Variants in GRIP1 observed in about 807,000 individuals in gnomAD.
GRIP1 encodes the protein glutamate receptor interacting protein 1.
In GRIP1, 45 loss-of-function variants were observed where a neutral mutation model predicts 129.9. The ratio of observed to expected loss-of-function variants is 0.35; its 90% CI spans 0.27 to 0.44. GRIP1 has a LOEUF of 0.44. Among genes scored for constraint, GRIP1 ranks in the 20% least tolerant of loss-of-function variants. The pLI, the probability that GRIP1 is intolerant of heterozygous loss-of-function variation, is 1.00. For synonymous variants in GRIP1, 530 were observed against 520.8 expected, an observed-to-expected ratio of 1.02 and a Z score of -0.24; for missense variants, 1,196 against 1,396.8, an observed-to-expected ratio of 0.86 and a Z score of 2.29.
chr12:66,596,760 A>T (rs2064067578), intron 2 of GRIP1, 87 bp downstream of exon 2: 10 of 762,386 alleles, frequency 1.3e-5, no homozygotes, highest in Admixed American at 5.6e-5. Context: ...TATTATTATT[A>T]TTTTTACCAA....
Position 66,931,250 on chromosome 12 carries a change from G to A in GRIP1, c.58+137800C>T, listed in dbSNP as rs545536341. On this transcript the variant is annotated intron_variant, in intron 1 of 1. Coordinates refer to the GRIP1 transcript ENST00000643019. Reference sequence around the variant, plus strand: ...GAGAGCATGATGCTGACCAGCCCGTGTCACAGGGATGCCCTGAGGCAGAGG... The same window carrying A: ...GAGAGCATGATGCTGACCAGCCCGTATCACAGGGATGCCCTGAGGCAGAGG... Among the ~76,000 whole-genome samples the A allele has an allele frequency of 5.9e-5, 9 of 152,364 alleles. No individual in the cohort carries two copies. In the South Asian group the frequency reaches 1.4e-3, roughly 25 times the overall value.
At chr12:67,013,204 T>C (rs1448301243) in intron 1 of GRIP1, among the ~76,000 whole-genome samples, 2 of 152,148 alleles carry the variant, frequency 1.3e-5, no homozygotes, top group Non-Finnish European at 2.9e-5. Flanking sequence ...GCCATTTCCA[T>C]ACAGAAATAC....
intron 1 of GRIP1, among the ~76,000 whole-genome samples, chr12:66,931,384 G>A (rs2041393176): frequency 6.6e-6 from 1 of 152,162 alleles, no homozygotes. Flanking sequence ...GGAATTATCA[G>A]AAGAAGAATA....
intron 1 of GRIP1, among the ~76,000 whole-genome samples, chr12:66,643,152 G>A (rs1018174381): frequency 6.6e-6 from 1 of 152,192 alleles, no homozygotes; most frequent in African/African-American, 2.4e-5. Context: ...CTCTACTTTG[G>A]TAGGAGTGTT....
chr12:66,851,386 A>T (rs937223512), intron 1 of GRIP1, among the ~76,000 whole-genome samples: 2 of 152,142 alleles, frequency 1.3e-5, no homozygotes, highest in South Asian at 2.1e-4. Flanking sequence ...TGGCTAGAAC[A>T]GCTGTCTATC....
chr12:66,822,361 C>T (rs2039335956), intron 1 of GRIP1, among the ~76,000 whole-genome samples: 1 of 152,130 alleles, frequency 6.6e-6, no homozygotes, highest in Non-Finnish European at 1.5e-5. Flanking sequence ...TACATGCTGG[C>T]AAGGCTGCAG....
chr12:66,547,951 C>A (rs891688922), intron 2 of GRIP1, among the ~76,000 whole-genome samples: 2 of 152,122 alleles, frequency 1.3e-5, no homozygotes, highest in Non-Finnish European at 2.9e-5. Flanking sequence ...TTATTTTCTA[C>A]AACTGCATAT....
chr12:66,770,313 G>T (rs773974657), intron 1 of GRIP1, among the ~76,000 whole-genome samples: 43 of 152,168 alleles, frequency 2.8e-4, no homozygotes, highest in Non-Finnish European at 5.6e-4. Flanking sequence ...CTAAGTTATT[G>T]TTCAGGGAAC....
At chr12:66,577,490 G>A (rs529636531) in intron 2 of GRIP1, among the ~76,000 whole-genome samples, 8 of 152,164 alleles carry the variant, frequency 5.3e-5, no homozygotes, top group African/African-American at 1.2e-4. Flanking sequence ...AGAGCACTCC[G>A]AGTTCCACTC....
intron 1 of GRIP1, among the ~76,000 whole-genome samples, chr12:66,762,346 C>T (rs999849052): frequency 1.3e-5 from 2 of 152,170 alleles, no homozygotes; most frequent in Admixed American, 6.5e-5. Context: ...TGCCCCTGGT[C>T]AGAGGAGGCT....
intron 1 of GRIP1, among the ~76,000 whole-genome samples, chr12:66,759,572 A>G (rs1237189399): frequency 1.3e-5 from 2 of 152,142 alleles, no homozygotes; most frequent in Non-Finnish European, 2.9e-5. Context: ...CAGGCTGCAA[A>G]TTTTCTGAAC....
At chr12:66,514,344 T>A (rs1320385825) in intron 7 of GRIP1, among the ~76,000 whole-genome samples, 1 of 152,166 alleles carries the variant, frequency 6.6e-6, no homozygotes, top group African/African-American at 2.4e-5. Context: ...ACCCTACTTA[T>A]GTAATCTGAT....
At chr12:66,539,877 C>A (rs2061723390) in intron 3 of GRIP1, among the ~76,000 whole-genome samples, 1 of 152,152 alleles carries the variant, frequency 6.6e-6, no homozygotes, top group African/African-American at 2.4e-5. Flanking sequence ...TGCTCTTGGA[C>A]TTTAGTCAAA....
At chr12:66,477,660 G>A (rs1428933496) in intron 7 of GRIP1, among the ~76,000 whole-genome samples, 1 of 152,130 alleles carries the variant, frequency 6.6e-6, no homozygotes, top group Admixed American at 6.6e-5. Context: ...AAAACAGCAT[G>A]GTACTGGTAC....
intron 7 of GRIP1, among the ~76,000 whole-genome samples, chr12:66,495,870 C>T (rs1400745397): frequency 6.6e-6 from 1 of 152,224 alleles, no homozygotes; most frequent in East Asian, 1.9e-4. Context: ...CCGTTCCCGG[C>T]AGCGCGAAAC....
intron 1 of GRIP1, among the ~76,000 whole-genome samples, chr12:66,631,451 CA>C (rs147837006): frequency 0.01 from 1,578 of 152,270 alleles, 26 homozygotes; most frequent in Non-Finnish European, 0.013. Context: ...AGGTGATATT[CA>C]AATAGAACAT....
intron 1 of GRIP1, among the ~76,000 whole-genome samples, chr12:66,955,960 C>T (rs1321585376): frequency 2.0e-5 from 3 of 152,150 alleles, no homozygotes; most frequent in Non-Finnish European, 4.4e-5. Context: ...CATTTTAAAA[C>T]CTATTTATTT....
chr12:66,764,980 G>A (rs1381947890), intron 1 of GRIP1, among the ~76,000 whole-genome samples: 2 of 152,176 alleles, frequency 1.3e-5, no homozygotes, highest in African/African-American at 4.8e-5. Flanking sequence ...AAAACTTTAT[G>A]AAGTAGGCTC....
chr12:66,842,753 A>T lies in GRIP1; in HGVS notation c.58+226297T>A, dbSNP rs185205428. 1.1e-3 allele frequency among the ~76,000 whole-genome samples: 171 copies of T among 152,284 alleles called. 1 individual carries two copies. Among genetic ancestry groups the T allele is most frequent in the Admixed American group, 1.9e-3 (29 of 15,290 alleles). The stretch of plus-strand genomic sequence containing the variant: ...TGAGCATATAATGGATACTCAATTG[A>T]TGCTGAATGAATTAATTAATGAATC... On this transcript the variant is annotated intron_variant, in intron 1 of 1. Coordinates refer to the GRIP1 transcript ENST00000643019.
Sources: gnomAD v4.1 joint callset for allele counts (sites outside exome capture counted in the v4.1 genomes callset) on GRCh38, gnomAD v4.1.1 for gene constraint, MANE v1.5 for transcripts, NCBI Gene and HGNC (gene_info 2026-07-23, HGNC 2026-07-21) for gene names.